Variants in PDE4D observed in about 807,000 individuals in gnomAD.
PDE4D encodes 3',5'-cyclic-AMP phosphodiesterase 4D.
A neutral mutation model predicts 87.4 loss-of-function variants in PDE4D; 24 were observed. The ratio of observed to expected loss-of-function variants is 0.27; its 90% CI spans 0.20 to 0.39. The LOEUF is 0.39. Ranked by LOEUF, PDE4D falls within the 10% of genes least tolerant of loss-of-function variation. PDE4D has a pLI of 1.00. For synonymous variants in PDE4D, 384 were observed against 383.2 expected (o/e 1.00, Z -0.02); for missense variants, 714 against 1,041.0 (o/e 0.69, Z 4.32).
rs1554032212 is a variant in PDE4D, at chr5:58,973,688, G to GTAT, written c.*973_*975dup. On this transcript the variant is annotated 3_prime_UTR_variant, in exon 15 of 15. Coordinates refer to ENST00000340635, the MANE Select transcript of PDE4D (RefSeq NM_001104631.2). Reference sequence around the variant, plus strand: ...CACATTTGATATAACACACATAAAAGTATTATAGAACAAATAGTCACTTTG... The same window carrying GTAT: ...CACATTTGATATAACACACATAAAAGTATTATTATAGAACAAATAGTCACTTTG... The GTAT allele has an allele frequency of 1.3e-5, 2 of 152,572 alleles. No homozygotes were observed. Among genetic ancestry groups the GTAT allele is most frequent in the African/African-American group, 4.8e-5 (2 of 41,428 alleles). The allele number at this position is 152,572 out of a possible 1,614,324, so 9.5% of individuals were successfully genotyped here.
intron 1 of PDE4D, among the ~76,000 whole-genome samples, chr5:59,733,937 G>A (rs928073708): frequency 7.2e-5 from 11 of 151,978 alleles, no homozygotes; most frequent in Non-Finnish European, 1.6e-4. Flanking sequence ...TTGAACCAAT[G>A]GGTTAAGGAT....
intron 1 of PDE4D, among the ~76,000 whole-genome samples, chr5:59,747,898 A>AT (rs919998837): frequency 3.3e-5 from 5 of 152,128 alleles, no homozygotes; most frequent in African/African-American, 7.2e-5. Context: ...TCATGATCAA[A>AT]TGTCCCCTTT....
At chr5:59,805,621 T>G (rs1259811714) in intron 1 of PDE4D, among the ~76,000 whole-genome samples, 4 of 152,202 alleles carry the variant, frequency 2.6e-5, no homozygotes, top group Non-Finnish European at 5.9e-5. Context: ...ATGTGTTGGA[T>G]GTTGGGGTAC....
chr5:59,663,224 G>A (rs569296899), intron 1 of PDE4D, among the ~76,000 whole-genome samples: 4 of 151,990 alleles, frequency 2.6e-5, no homozygotes, highest in African/African-American at 9.6e-5. Flanking sequence ...GAGTACATTG[G>A]CGTGATCTTG....
At chr5:59,302,677 T>A (rs900763596) in intron 1 of PDE4D, among the ~76,000 whole-genome samples, 1 of 152,214 alleles carries the variant, frequency 6.6e-6, no homozygotes, top group African/African-American at 2.4e-5. Context: ...TAGTCTCCAA[T>A]CTCATCCAGG....
chr5:59,679,108 C>A (rs1030513547), intron 1 of PDE4D, among the ~76,000 whole-genome samples: 1 of 152,118 alleles, frequency 6.6e-6, no homozygotes, highest in Admixed American at 6.6e-5. Flanking sequence ...TAATAAAAGT[C>A]AACGTTTACT....
chr5:59,189,088 T>C (rs999758102), intron 3 of PDE4D, among the ~76,000 whole-genome samples: 2 of 152,086 alleles, frequency 1.3e-5, no homozygotes, highest in African/African-American at 4.8e-5. Context: ...CAGGCAGGAA[T>C]ATGAGAATAT....
At chr5:60,132,523 T>C (rs1242761774) in intron 2 of PDE4D, among the ~76,000 whole-genome samples, 1 of 152,156 alleles carries the variant, frequency 6.6e-6, no homozygotes, top group Non-Finnish European at 1.5e-5. Context: ...ATATTGTAAA[T>C]ACCCAATTAT....
At chr5:59,425,882 A>G (rs944541165) in intron 1 of PDE4D, among the ~76,000 whole-genome samples, 1 of 152,196 alleles carries the variant, frequency 6.6e-6, no homozygotes, top group Non-Finnish European at 1.5e-5. Flanking sequence ...ACAATTTGTT[A>G]TGGGCTGAAT....
intron 1 of PDE4D, among the ~76,000 whole-genome samples, chr5:59,581,033 C>T (rs892178103): frequency 1.3e-5 from 2 of 152,058 alleles, no homozygotes; most frequent in Non-Finnish European, 2.9e-5. Context: ...TGTTTATAGG[C>T]TGGTACTTCT....
chr5:60,032,534 T>C (rs1293332494), intron 2 of PDE4D, among the ~76,000 whole-genome samples: 2 of 152,188 alleles, frequency 1.3e-5, no homozygotes, highest in African/African-American at 2.4e-5. Context: ...ATATGTTACT[T>C]TGATGTTGCG....
rs547402157 is a variant in PDE4D, at chr5:60,199,644, C to T, written c.-89-13957G>A. On this transcript the variant is annotated intron_variant, in intron 1 of 16. Coordinates refer to the PDE4D transcript ENST00000502484. Reference sequence around the variant, plus strand: ...TCTCTTTAAAAATCTCTTTAATTCACTAAAGAAGTAATATAAGCGAAAGCA... The same window carrying T: ...TCTCTTTAAAAATCTCTTTAATTCATTAAAGAAGTAATATAAGCGAAAGCA... Among the ~76,000 whole-genome samples, 330 of 151,606 alleles carry T rather than the reference C, an allele frequency of 2.2e-3. 12 individuals carry two copies. The highest frequency in any genetic ancestry group is 3.5e-3 in the Non-Finnish European group (240 of 67,718).
At position 59,524,985 on chromosome 5, in the gene PDE4D, C is replaced by T. The variant is rs552129120; in HGVS notation, c.456-309017G>A. On this transcript the variant is annotated intron_variant, in intron 1 of 14. Coordinates refer to ENST00000340635, the MANE Select transcript of PDE4D (RefSeq NM_001104631.2). ...TCCAGGCAAGAGCCTGCTGCAGGGA[C>T]GGGGCCCTCGTGGAGAACCTCTGCT... Among the ~76,000 whole-genome samples the T allele has an allele frequency of 1.5e-3, 227 of 152,302 alleles. 2 individuals are homozygous for T. The highest frequency in any genetic ancestry group is 5.1e-3 in the African/African-American group (211 of 41,566).
chr5:59,216,115 A>T (rs1751199190), intron 1 of PDE4D, 147 bp from the exon 2 acceptor site: 2 of 618,656 alleles, frequency 3.2e-6, no homozygotes, highest in Admixed American at 6.0e-5. Context: ...ATATGATAAT[A>T]TTGAAATACA....
chr5:59,680,057 T>G (rs1748746922), intron 1 of PDE4D, among the ~76,000 whole-genome samples: 1 of 152,148 alleles, frequency 6.6e-6, no homozygotes, highest in Non-Finnish European at 1.5e-5. Flanking sequence ...CATAGGCATT[T>G]TATCCATTTT....
chr5:60,366,074 C>T (rs1006322387), intron 1 of PDE4D, among the ~76,000 whole-genome samples: 2 of 151,204 alleles, frequency 1.3e-5, no homozygotes, highest in Non-Finnish European at 2.9e-5. Flanking sequence ...CTGGCCATTT[C>T]CAGAACTCTA....
chr5:59,655,754 C>T (rs1206521865), intron 1 of PDE4D, among the ~76,000 whole-genome samples: 1 of 152,176 alleles, frequency 6.6e-6, no homozygotes, highest in Non-Finnish European at 1.5e-5. Context: ...ACTGTATTTT[C>T]TCCCTTGGAC....
rs563800765 is a variant in PDE4D, at chr5:60,460,455, C to T, written c.-90+27487G>A. On this transcript the variant is annotated intron_variant, in intron 1 of 16. Coordinates refer to the PDE4D transcript ENST00000502484. Reference sequence around the variant, plus strand: ...GTGGATGCTTGACAAATGTTGTTACCCCAAAATTTGGGATTTTGGCGATCA... The same window carrying T: ...GTGGATGCTTGACAAATGTTGTTACTCCAAAATTTGGGATTTTGGCGATCA... 8.8e-5 allele frequency: 133 copies of T among 1,514,742 alleles called. 1 individual carries two copies. Among genetic ancestry groups the T allele is most frequent in the South Asian group, 8.5e-4 (75 of 88,384 alleles). 93.8% of individuals were successfully genotyped at this position (1,514,742 alleles called of 1,614,324 possible).
chr5:59,416,838 T>C (rs929326364), intron 1 of PDE4D, among the ~76,000 whole-genome samples: 12 of 152,150 alleles, frequency 7.9e-5, no homozygotes, highest in Admixed American at 1.3e-4. Flanking sequence ...CACTTACCCA[T>C]AGAATAATTG....
Sources: allele counts gnomAD v4.1 joint callset (sites outside exome capture counted in the v4.1 genomes callset), GRCh38; gene constraint gnomAD v4.1.1; transcripts MANE v1.5; gene names NCBI Gene and HGNC (gene_info 2026-07-23, HGNC 2026-07-21).